Variants in RABEPK observed in about 807,000 individuals in gnomAD.
RABEPK encodes the protein 40 kDa Rab9 effector protein.
In RABEPK, 27 loss-of-function variants were observed where a neutral mutation model predicts 34.1. The ratio of observed to expected loss-of-function variants is 0.79; its 90% CI spans 0.58 to 1.09. The LOEUF is 1.09. Among genes scored for constraint, RABEPK ranks in the 50% least tolerant of loss-of-function variants. The pLI is 0.00. For missense variants in RABEPK, 449 were observed against 462.6 expected, an observed-to-expected ratio of 0.97 and a Z score of 0.27; for synonymous variants, 172 against 169.2, an observed-to-expected ratio of 1.02 and a Z score of -0.13.
intron 6 of RABEPK, among the ~76,000 whole-genome samples, chr9:125,231,308 T>A (rs1041127699): frequency 2.7e-5 from 4 of 150,206 alleles, no homozygotes; most frequent in Non-Finnish European, 4.4e-5. Context: ...GAAAAAAAAA[T>A]GCTTGTTTGA....
chr9:125,211,249 A>G (rs1025547072), intron 3 of RABEPK, among the ~76,000 whole-genome samples: 1 of 151,468 alleles, frequency 6.6e-6, no homozygotes, highest in Non-Finnish European at 1.5e-5. Context: ...AAAAAAAAGA[A>G]AGTGATTCTC....
intron 6 of RABEPK, among the ~76,000 whole-genome samples, chr9:125,231,820 A>G (rs1041911329): frequency 6.6e-6 from 1 of 151,928 alleles, no homozygotes; most frequent in Non-Finnish European, 1.5e-5. Flanking sequence ...TAGAAATTTC[A>G]TAGGGCTGTT....
At position 125,228,615 on chromosome 9, in the gene RABEPK, C is replaced by T. The variant is rs575284115; in HGVS notation, c.676+556C>T. On this transcript the variant is annotated intron_variant, in intron 6 of 7. Coordinates refer to ENST00000373538, the MANE Select transcript of RABEPK (RefSeq NM_005833.4). ...TGGAGGTTGTGGTGAGCTAAGATTA[C>T]GCCACTGCACTCCAGCCTGGGCCAC... Among the ~76,000 whole-genome samples, 1,242 of 150,568 alleles carry T rather than the reference C, an allele frequency of 8.2e-3. 9 individuals are homozygous for T. Among genetic ancestry groups the T allele is most frequent in the Non-Finnish European group, 0.012 (842 of 67,792 alleles).
chr9:125,228,107 T>G, intron 6 of RABEPK, 48 bp downstream of exon 6: 1 of 1,299,398 alleles, frequency 7.7e-7, no homozygotes. Context: ...TATTTTTATT[T>G]ATTTATTTAT....
chr9:125,232,508 T>C, intron 6 of RABEPK, 88 bp from the exon 7 acceptor site: 1 of 1,391,164 alleles, frequency 7.2e-7, no homozygotes, highest in Non-Finnish European at 9.7e-7. Context: ...TGACTTTCAG[T>C]GATTGGTGTG....
At chr9:125,218,848 T>G (rs1396073289) in intron 4 of RABEPK, among the ~76,000 whole-genome samples, 2 of 152,166 alleles carry the variant, frequency 1.3e-5, no homozygotes, top group African/African-American at 4.8e-5. Context: ...CACCTAAGCT[T>G]CTCAGGTAGC....
At chr9:125,203,900 T>G (rs1223108730) in intron 2 of RABEPK, among the ~76,000 whole-genome samples, 1 of 151,632 alleles carries the variant, frequency 6.6e-6, no homozygotes. Context: ...GGCATGGTGT[T>G]GTGCAACTGT....
At chr9:125,218,153 A>G (rs1831062909) in intron 4 of RABEPK, among the ~76,000 whole-genome samples, 1 of 151,014 alleles carries the variant, frequency 6.6e-6, no homozygotes. Context: ...CTACTAAAAA[A>G]AAAAAAAATA....
chr9:125,225,830 G>C (rs556489698), intron 5 of RABEPK, among the ~76,000 whole-genome samples: 2 of 151,990 alleles, frequency 1.3e-5, no homozygotes, highest in Admixed American at 1.3e-4. Context: ...GGGCTTGGTG[G>C]TAGGCACCTG....
intron 2 of RABEPK, among the ~76,000 whole-genome samples, chr9:125,205,562 G>A (rs138429559): frequency 0.014 from 2,194 of 152,162 alleles, 106 homozygotes; most frequent in Admixed American, 0.082. Context: ...GCACAATCTC[G>A]GCTCACTGCA....
intron 6 of RABEPK, among the ~76,000 whole-genome samples, chr9:125,231,299 A>C (rs1009132419): frequency 7.3e-6 from 1 of 137,612 alleles, no homozygotes; most frequent in Non-Finnish European, 1.5e-5. Context: ...GTCTCAAAAG[A>C]AAAAAAAATG....
intron 5 of RABEPK, chr9:125,222,388 A>T (rs1049087416): frequency 6.6e-6 from 1 of 152,012 alleles, no homozygotes; most frequent in African/African-American, 2.4e-5. Flanking sequence ...TTAACATCTC[A>T]GTGTATTATC....
At chr9:125,206,681 G>T (rs1317357158) in intron 2 of RABEPK, among the ~76,000 whole-genome samples, 1 of 152,144 alleles carries the variant, frequency 6.6e-6, no homozygotes, top group Non-Finnish European at 1.5e-5. Context: ...AGAGCCCCAG[G>T]GCTGTTGATT....
intron 4 of RABEPK, among the ~76,000 whole-genome samples, chr9:125,217,478 G>T (rs548018341): frequency 1.7e-4 from 26 of 152,156 alleles, no homozygotes; most frequent in African/African-American, 4.1e-4. Flanking sequence ...TCAGCTCACT[G>T]CATCCTCCAC....
chr9:125,234,003 T>TGTCA lies in RABEPK; in HGVS notation c.*26_*29dup, dbSNP rs1348519572. The TGTCA allele has an allele frequency of 1.9e-6, 3 of 1,547,084 alleles. No individual in the cohort carries two copies. In the African/African-American group the frequency reaches 4.1e-5, roughly 21 times the overall value. Reference sequence around the variant, plus strand: ...TAATAAAACCCACATTTTTATTACCTGTCAGTTACTTTCAGAATAGTTAAG... The same window carrying TGTCA: ...TAATAAAACCCACATTTTTATTACCTGTCAGTCAGTTACTTTCAGAATAGTTAAG... On this transcript the variant is annotated 3_prime_UTR_variant, in exon 8 of 8. Coordinates refer to ENST00000373538, the MANE Select transcript of RABEPK (RefSeq NM_005833.4).
rs757153976 is a variant in RABEPK, at chr9:125,220,547, A to AC, written c.374dup (p.Trp126ValfsTer49). The AC allele has an allele frequency of 6.2e-7, 1 of 1,613,426 alleles. No homozygotes were observed. The highest frequency in any genetic ancestry group is 8.5e-7 in the Non-Finnish European group (1 of 1,179,674). The stretch of plus-strand genomic sequence containing the variant: ...CATTCTCTCTGGCCCAGAAACCAGG[A>AC]CGTGGACCACGCCAGAAGTGACCAG... On this transcript the variant is annotated frameshift_variant, in exon 5 of 8. Coordinates refer to ENST00000373538, the MANE Select transcript of RABEPK (RefSeq NM_005833.4). LOFTEE classifies it high-confidence loss of function.
In RABEPK at chr9:125,207,601, C is replaced by G. The variant is rs778097979; in HGVS notation, c.91C>G (p.Arg31Gly). The change falls in exon 3 of 8, where the codon CGA (arginine) becomes GGA (glycine). Residue 31 changes from arginine to glycine, a missense_variant. Physicochemically the swap from Arg to Gly is moderately radical, Grantham distance 125 (BLOSUM62 -2). Coordinates refer to ENST00000373538, the MANE Select transcript of RABEPK (RefSeq NM_005833.4). ...LTVPGDSPCA[R>G]VGHSCSYLPP... ...TGTCCCTGGAGACAGCCCCTGTGCTCGAGTTGGCCACAGCTGTTCATATTT... is the reference window on the plus strand; with the variant it reads ...TGTCCCTGGAGACAGCCCCTGTGCTGGAGTTGGCCACAGCTGTTCATATTT... 2 of 1,614,078 alleles carry G rather than the reference C, an allele frequency of 1.2e-6. No individual in the cohort carries two copies. The highest frequency in any genetic ancestry group is 2.2e-5 in the South Asian group (2 of 91,076).
chr9:125,225,983 AAAAG>A (rs1275232024), intron 5 of RABEPK, among the ~76,000 whole-genome samples: 1 of 150,596 alleles, frequency 6.6e-6, no homozygotes, highest in Non-Finnish European at 1.5e-5. Flanking sequence ...AAGAAAAAGA[AAAAG>A]AAAAAAAAAA....
At chr9:125,219,762 G>A (rs1391700704) in intron 4 of RABEPK, among the ~76,000 whole-genome samples, 1 of 151,998 alleles carries the variant, frequency 6.6e-6, no homozygotes, top group East Asian at 1.9e-4. Flanking sequence ...AAACTCCTGG[G>A]CTCAAGCAAT....
Sources: gnomAD v4.1 joint callset for allele counts (sites outside exome capture counted in the v4.1 genomes callset) on GRCh38, gnomAD v4.1.1 for gene constraint, MANE v1.5 for transcripts, NCBI Gene and HGNC (gene_info 2026-07-23, HGNC 2026-07-21) for gene names.